The following CLEC3A variants were observed in gnomAD, a reference collection of about 807,000 sequenced individuals.
The protein encoded by CLEC3A is C-type (calcium dependent, carbohydrate-recognition domain) lectin, superfamily member 1 (cartilage-derived).
A neutral mutation model predicts 20.4 loss-of-function variants in CLEC3A; 28 were observed. The observed-to-expected ratio is 1.37, with a 90% CI of 1.02 to 1.88. CLEC3A has a LOEUF of 1.88. CLEC3A is among the 40% of genes most tolerant of loss of function. The pLI is 0.00. For missense variants in CLEC3A, 357 were observed against 240.4 expected (o/e 1.48, Z -3.21); for synonymous variants, 110 against 88.1 (o/e 1.25, Z -1.39).
chr16:78,025,357 T>A (rs1235775395), intron 1 of CLEC3A, among the ~76,000 whole-genome samples: 1 of 152,208 alleles, frequency 6.6e-6, no homozygotes, highest in African/African-American at 2.4e-5. Flanking sequence ...GTAACTGCTT[T>A]GCACACATAC....
At position 78,031,879 on chromosome 16, in the gene CLEC3A, C is replaced by T. The variant is rs1051735595; in HGVS notation, c.*1038C>T. 3.3e-5 allele frequency: 5 copies of T among 152,322 alleles called. No individual in the cohort carries two copies. The highest frequency in any genetic ancestry group is 9.7e-5 in the African/African-American group (4 of 41,426). The allele number at this position is 152,322 out of a possible 1,614,324, so 9.4% of individuals were successfully genotyped here. On this transcript the variant is annotated 3_prime_UTR_variant, in exon 3 of 3. Transcript: ENST00000299642. ...TGTTTAACTAGATTGTACAAAATAA[C>T]TTCATTGCTTAATATCAAATTACAA...
intron 1 of CLEC3A, among the ~76,000 whole-genome samples, chr16:78,027,123 T>G (rs2029947211): frequency 6.6e-6 from 1 of 152,220 alleles, no homozygotes; most frequent in South Asian, 2.1e-4. Flanking sequence ...CCATAAAGTG[T>G]GTATTCACTA....
In CLEC3A at chr16:78,030,823, G is replaced by C. The variant is rs757200300; in HGVS notation, c.576G>C (p.Glu192Asp). Reference sequence around the variant, plus strand: ...GCAGCAGCAAGAGATACATATGCGAGTTCACCATCCCTCAATAGGTCTTTC... The same window carrying C: ...GCAGCAGCAAGAGATACATATGCGACTTCACCATCCCTCAATAGGTCTTTC... Reference protein sequence around the residue: ...ACRSSKRYICEFTIPQ With the variant: ...ACRSSKRYICDFTIPQ Residue 192 changes from glutamate (E) to aspartate (D), a missense_variant, in exon 3 of 3, where the codon GAG becomes GAC. By Grantham distance (45) the Glu-to-Asp change is conservative (BLOSUM62 2). Transcript: ENST00000299642. The C allele has an allele frequency of 5.6e-6, 9 of 1,612,870 alleles. No homozygotes were observed. Among genetic ancestry groups the C allele is most frequent in the Non-Finnish European group, 6.8e-6 (8 of 1,179,354 alleles).
At chr16:78,024,248 G>T (rs1044799724) in intron 1 of CLEC3A, among the ~76,000 whole-genome samples, 1 of 152,190 alleles carries the variant, frequency 6.6e-6, no homozygotes, top group Admixed American at 6.5e-5. Flanking sequence ...GCTGGATGGA[G>T]TGGCACTCCT....
At position 78,030,628 on chromosome 16, in the gene CLEC3A, C is replaced by T; in HGVS notation, c.381C>T (p.Asp127=). 1 of 1,614,144 alleles carries T rather than the reference C, an allele frequency of 6.2e-7. No homozygotes were observed. The highest frequency in any genetic ancestry group is 8.5e-7 in the Non-Finnish European group (1 of 1,180,034). Residue 127 remains aspartate, a synonymous_variant, in exon 3 of 3, where the codon GAC becomes GAT. Transcript: ENST00000299642. ...YGKRSLPGVN[D]FWLGINDMVT... is the part of the protein sequence containing the mutation. ...AAAGGAGCCTGCCAGGTGTCAATGA[C>T]TTTTGGCTGGGCATCAATGACATGG...
At chr16:78,023,811 G>T (rs926752251) in intron 1 of CLEC3A, among the ~76,000 whole-genome samples, 1 of 151,126 alleles carries the variant, frequency 6.6e-6, no homozygotes. Context: ...AGGCTGGAGG[G>T]CAGTGACACA....
intron 1 of CLEC3A, 120 bp downstream of exon 1, chr16:78,022,861 T>C: frequency 6.1e-6 from 6 of 986,202 alleles, no homozygotes; most frequent in South Asian, 1.7e-5. Context: ...CATGCCATCA[T>C]CCCTATATGG....
At chr16:78,027,763 C>A (rs932954414) in intron 1 of CLEC3A, among the ~76,000 whole-genome samples, 1 of 152,146 alleles carries the variant, frequency 6.6e-6, no homozygotes, top group Non-Finnish European at 1.5e-5. Context: ...TGAAGCAGTT[C>A]TCATGCCTCA....
chr16:78,024,165 G>T (rs11647117), intron 1 of CLEC3A, among the ~76,000 whole-genome samples: 17,459 of 152,186 alleles, frequency 0.11, 1,145 homozygotes, highest in East Asian at 0.27. Context: ...TGCTGAAGAT[G>T]GTATCGAAAG....
chr16:78,030,683 G>A lies in CLEC3A; in HGVS notation c.436G>A (p.Gly146Arg), dbSNP rs767933463. ...GGAAGGCAAGTTTGTTGACGTCAAC[G>A]GAATCGCTATCTCCTTCCTCAACTG... is the stretch of plus-strand genomic sequence containing the variant. The part of the protein sequence containing the change: ...VTEGKFVDVN[G>R]IAISFLNWDR... Residue 146 changes from glycine (G) to arginine (R), a missense_variant, in exon 3 of 3, where the codon GGA becomes AGA. By Grantham distance (125) the Gly-to-Arg change is moderately radical. Coordinates refer to ENST00000299642, the MANE Select transcript of CLEC3A (RefSeq NM_005752.6). The A allele has an allele frequency of 2.2e-5, 36 of 1,614,110 alleles. No homozygotes were observed. The South Asian group carries it at 3.6e-4, about 16-fold the overall frequency.
intron 1 of CLEC3A, among the ~76,000 whole-genome samples, chr16:78,023,601 G>C (rs1435545524): frequency 6.6e-6 from 1 of 151,994 alleles, no homozygotes; most frequent in Non-Finnish European, 1.5e-5. Context: ...CACTCCATTA[G>C]TAACAACACA....
At chr16:78,029,048 G>T (rs1221803911) in intron 2 of CLEC3A, 1 of 446,520 alleles carries the variant, frequency 2.2e-6, no homozygotes, top group Non-Finnish European at 4.5e-6. Flanking sequence ...CCACAGTCAG[G>T]TACTAGAAAT....
rs369944946 is a variant in CLEC3A at position 78,028,107 on chromosome 16, A to C, written c.116A>C (p.Asp39Ala). 5.6e-6 allele frequency: 9 copies of C among 1,606,188 alleles called. No homozygotes were observed. Among genetic ancestry groups the C allele is most frequent in the Non-Finnish European group, 7.6e-6 (9 of 1,177,964 alleles). The change falls in exon 2 of 3, where the codon GAC (aspartate) becomes GCC (alanine). Residue 39 changes from aspartate (D) to alanine (A), a missense_variant and splice_region_variant. Asp to Ala is a moderately radical substitution (Grantham distance 126, BLOSUM62 -2). Transcript: ENST00000299642. Reference protein sequence around the residue: ...ARKHSKRRVRDKDGDLKTQIE... With the variant: ...ARKHSKRRVRAKDGDLKTQIE... ...CATCCCACCCTAAAATTTTCCCCAGACAAGGATGGAGATCTGAAGACTCAA... is the reference window on the plus strand; with the variant it reads ...CATCCCACCCTAAAATTTTCCCCAGCCAAGGATGGAGATCTGAAGACTCAA...
chr16:78,023,947 C>T (rs1231371541), intron 1 of CLEC3A, among the ~76,000 whole-genome samples: 3 of 151,824 alleles, frequency 2.0e-5, no homozygotes, highest in Non-Finnish European at 2.9e-5. Flanking sequence ...TTAGTAGAGA[C>T]GAGGTTTCGC....
intron 1 of CLEC3A, among the ~76,000 whole-genome samples, chr16:78,026,689 G>C (rs2029932299): frequency 6.6e-6 from 1 of 152,134 alleles, no homozygotes; most frequent in African/African-American, 2.4e-5. Context: ...TATAATTCCT[G>C]CTTTTGAAGA....
rs45536132 is a variant in CLEC3A at position 78,022,575 on chromosome 16, T to C, written c.-52T>C. 1,339 of 1,603,692 alleles carry C rather than the reference T, an allele frequency of 8.3e-4. 3 individuals carry two copies. The highest frequency in any genetic ancestry group is 1.0e-3 in the Non-Finnish European group (1,205 of 1,175,112). ...GATGTAGCTGTGTAGTCTCCTTCCA[T>C]AGCTGCTCTAAGGGGGCTGGCAACA... is the stretch of plus-strand genomic sequence containing the variant. On this transcript the variant is annotated 5_prime_UTR_variant, in exon 1 of 3. Transcript: ENST00000299642.
chr16:78,030,523 T>A lies in CLEC3A; in HGVS notation c.276T>A (p.Asn92Lys), dbSNP rs748557098. Residue 92 changes from asparagine to lysine, a missense_variant, in exon 3 of 3, where the codon AAT becomes AAA. Coordinates refer to ENST00000299642, the MANE Select transcript of CLEC3A (RefSeq NM_005752.6). ...SEGLKHFHEA[N>K]EDCISKGGIL... Reference sequence around the variant, plus strand: ...GTTTGAAGCATTTCCATGAGGCCAATGAAGACTGCATTTCCAAAGGAGGAA... The same window carrying A: ...GTTTGAAGCATTTCCATGAGGCCAAAGAAGACTGCATTTCCAAAGGAGGAA... 4 of 1,614,030 alleles carry A rather than the reference T, an allele frequency of 2.5e-6. No homozygotes were observed. Among genetic ancestry groups the A allele is most frequent in the South Asian group, 2.2e-5 (2 of 91,088 alleles).
At chr16:78,026,549 G>T (rs1306705148) in intron 1 of CLEC3A, among the ~76,000 whole-genome samples, 2 of 152,208 alleles carry the variant, frequency 1.3e-5, no homozygotes, top group Non-Finnish European at 2.9e-5. Context: ...TTCAGCAGGT[G>T]AATTCAGCTT....
chr16:78,028,778 G>C (rs1290516484), intron 2 of CLEC3A, among the ~76,000 whole-genome samples: 1 of 152,212 alleles, frequency 6.6e-6, no homozygotes, highest in Admixed American at 6.5e-5. Flanking sequence ...CAAAAGCAAG[G>C]TGTTGAGGTT....
Sources: allele counts gnomAD v4.1 joint callset (sites outside exome capture counted in the v4.1 genomes callset), GRCh38; gene constraint gnomAD v4.1.1; transcripts MANE v1.5; gene names NCBI Gene and HGNC (gene_info 2026-07-23, HGNC 2026-07-21).